Variants in PCDHGA7 observed in about 807,000 individuals in gnomAD.
PCDHGA7 encodes protocadherin gamma-A7.
A neutral mutation model predicts 58.3 loss-of-function variants in PCDHGA7; 44 were observed. The ratio of observed to expected loss-of-function variants is 0.75; its 90% CI spans 0.59 to 0.97. The LOEUF is 0.97. Ranked by LOEUF, PCDHGA7 falls within the 50% of genes least tolerant of loss-of-function variation. The pLI, the probability that PCDHGA7 is intolerant of heterozygous loss-of-function variation, is 0.00. For synonymous variants in PCDHGA7, 516 were observed against 504.2 expected, an observed-to-expected ratio of 1.02 and a Z score of -0.31; for missense variants, 1,266 against 1,188.7, an observed-to-expected ratio of 1.06 and a Z score of -0.96.
chr5:141,455,388 A>C (rs1415223043), intron 1 of PCDHGA7, among the ~76,000 whole-genome samples: 1 of 152,086 alleles, frequency 6.6e-6, no homozygotes, highest in Non-Finnish European at 1.5e-5. Context: ...AGAAGGAAGG[A>C]GCTCCCCCTT....
At chr5:141,388,228 A>G (rs768450383) in intron 1 of PCDHGA7, 9 of 1,605,464 alleles carry the variant, frequency 5.6e-6, no homozygotes, top group Non-Finnish European at 7.7e-6. Context: ...AATCCACTGA[A>G]CTTTTATCAC....
chr5:141,403,181 C>G (rs1182793881), intron 1 of PCDHGA7: 2 of 1,614,006 alleles, frequency 1.2e-6, no homozygotes, highest in Non-Finnish European at 1.7e-6. Context: ...GCTTTTCTCT[C>G]TGAACCCGCG....
chr5:141,410,079 T>A, intron 1 of PCDHGA7: 1 of 1,612,494 alleles, frequency 6.2e-7, no homozygotes, highest in Non-Finnish European at 8.5e-7. Context: ...ACTGGGGAGG[T>A]GCGCACGGCT....
chr5:141,466,674 T>C (rs2099127051), intron 1 of PCDHGA7, among the ~76,000 whole-genome samples: 1 of 152,222 alleles, frequency 6.6e-6, no homozygotes, highest in South Asian at 2.1e-4. Flanking sequence ...TTCACCGTTC[T>C]TCCACTCAAG....
intron 1 of PCDHGA7, chr5:141,394,006 T>C (rs753433160): frequency 3.1e-6 from 5 of 1,613,358 alleles, no homozygotes; most frequent in Non-Finnish European, 3.4e-6. Context: ...GAAAAGTCAA[T>C]AGGTAATTAT....
Position 141,489,268 on chromosome 5 carries a change from G to T in PCDHGA7, c.2425-5539G>T. On this transcript the variant is annotated intron_variant, in intron 1 of 3. Transcript: ENST00000518325. This position sits in a 1 kb window ranked among gnomAD's most constrained non-coding sequence, Gnocchi z 4.5. The stretch of plus-strand genomic sequence containing the variant: ...GGGGCCCAAGACACTCCCACAGCTC[G>T]CTGGGAAATGGCAAGTGCTGTGCAT... The T allele has an allele frequency of 3.9e-6, 6 of 1,553,284 alleles. No homozygotes were observed. The South Asian group carries it at 5.0e-5, about 13-fold the overall frequency.
Position 141,411,472 on chromosome 5 carries a change from T to G in PCDHGA7, c.2424+26149T>G, listed in dbSNP as rs546914871. ...GGTAGCATTCCCCTGTGGTCCCAGC[T>G]ACTTGGGAGGCTGAGCTGGGTGGAT... On this transcript the variant is annotated intron_variant, in intron 1 of 3. Coordinates refer to ENST00000518325, the MANE Select transcript of PCDHGA7 (RefSeq NM_018920.4). 2.6e-5 allele frequency: 4 copies of G among 151,948 alleles called. 1 individual carries two copies. The South Asian group carries it at 8.3e-4, about 32-fold the overall frequency. The allele number at this position is 151,948 out of a possible 1,614,324, so 9.4% of individuals were successfully genotyped here.
chr5:141,500,184 TTTTA>T (rs58019021), intron 2 of PCDHGA7, among the ~76,000 whole-genome samples: 6,359 of 135,894 alleles, frequency 0.047, 285 homozygotes, highest in African/African-American at 0.12. Context: ...TCATTTTTAT[TTTTA>T]TTTATTTATT....
intron 1 of PCDHGA7, among the ~76,000 whole-genome samples, chr5:141,444,256 C>T (rs1445343718): frequency 2.1e-5 from 3 of 146,298 alleles, no homozygotes; most frequent in African/African-American, 5.1e-5. Context: ...ACTGCAACCT[C>T]CGCCTCCCAG....
chr5:141,405,295 C>T lies in PCDHGA7; in HGVS notation c.2424+19972C>T, dbSNP rs192426924. On this transcript the variant is annotated intron_variant, in intron 1 of 3. Transcript: ENST00000518325. ...CCAACTATGCAGACACACTCATCAG[C>T]CAGCAGAGCTGTGAGAAAAATGAGC... 26 of 1,614,180 alleles carry T rather than the reference C, an allele frequency of 1.6e-5. No individual in the cohort carries two copies. In the East Asian group the frequency reaches 4.0e-4, roughly 25 times the overall value.
intron 1 of PCDHGA7, among the ~76,000 whole-genome samples, chr5:141,459,249 A>G (rs901058693): frequency 6.6e-6 from 1 of 152,218 alleles, no homozygotes; most frequent in Non-Finnish European, 1.5e-5. Flanking sequence ...TCCTGTCACT[A>G]TAAATTAGTG....
At chr5:141,421,578 T>C in intron 1 of PCDHGA7, 4 of 1,613,886 alleles carry the variant, frequency 2.5e-6, no homozygotes, top group Non-Finnish European at 3.4e-6. Flanking sequence ...CCTTGAAGAT[T>C]TACGGAGTGG....
chr5:141,439,669 A>T (rs983024479), intron 1 of PCDHGA7, among the ~76,000 whole-genome samples: 4 of 152,174 alleles, frequency 2.6e-5, no homozygotes, highest in Non-Finnish European at 5.9e-5. Context: ...ATGGAATGCA[A>T]ATCCAAGAGC....
chr5:141,414,568 A>G (rs1349020199), intron 1 of PCDHGA7: 2 of 1,613,914 alleles, frequency 1.2e-6, no homozygotes, highest in South Asian at 1.1e-5. Context: ...CTTTACCTAT[A>G]TCCCAGAGAA....
intron 1 of PCDHGA7, chr5:141,427,746 T>A: frequency 7.9e-7 from 1 of 1,272,038 alleles, no homozygotes; most frequent in African/African-American, 1.5e-5. Flanking sequence ...AGTCTCCTAC[T>A]CCATCGTTAC....
intron 1 of PCDHGA7, chr5:141,395,582 G>T (rs1200378126): frequency 5.5e-6 from 1 of 181,100 alleles, no homozygotes; most frequent in Non-Finnish European, 1.1e-5. Flanking sequence ...GTGTGTGTGT[G>T]TGTGTGTGTA....
Position 141,490,220 on chromosome 5 carries a change from A to G in PCDHGA7, c.2425-4587A>G. 6.2e-7 allele frequency: 1 copy of G among 1,614,252 alleles called. No individual in the cohort carries two copies. Among genetic ancestry groups the G allele is most frequent in the Non-Finnish European group, 8.5e-7 (1 of 1,180,044 alleles). On this transcript the variant is annotated intron_variant, in intron 1 of 3. Coordinates refer to ENST00000518325, the MANE Select transcript of PCDHGA7 (RefSeq NM_018920.4). This position sits in a 1 kb window ranked among gnomAD's most constrained non-coding sequence, Gnocchi z 5.4. The stretch of plus-strand genomic sequence containing the variant: ...CATGCAAGAGCCCGTGACCAGGGAC[A>G]GCCTGCCATGGAGGGCCACTGTGTG...
chr5:141,432,763 C>T lies in PCDHGA7; in HGVS notation c.2424+47440C>T. The T allele has an allele frequency of 6.2e-7, 1 of 1,614,152 alleles. No homozygotes were observed. The highest frequency in any genetic ancestry group is 8.5e-7 in the Non-Finnish European group (1 of 1,180,004). ...TCACCGTGGCCGTGGCCGACAGCAT[C>T]CCCCAAGTCCTGGCGGACCTCGGCA... On this transcript the variant is annotated intron_variant, in intron 1 of 3. Transcript: ENST00000518325. This position sits in a 1 kb window ranked among gnomAD's most constrained non-coding sequence, Gnocchi z 6.0.
At chr5:141,478,812 A>G (rs952753762) in intron 1 of PCDHGA7, 16 of 1,453,436 alleles carry the variant, frequency 1.1e-5, no homozygotes, top group Non-Finnish European at 1.4e-5. Flanking sequence ...TTGCTATCAC[A>G]ACTAACCAAT....
Sources: allele counts gnomAD v4.1 joint callset (sites outside exome capture counted in the v4.1 genomes callset), GRCh38; gene constraint gnomAD v4.1.1; non-coding constraint Gnocchi (gnomAD v3.1); transcripts MANE v1.5; gene names NCBI Gene and HGNC (gene_info 2026-07-23, HGNC 2026-07-21).